INO80: variants seen among roughly 807,000 people sequenced by gnomAD.
The protein encoded by INO80 is chromatin-remodeling ATPase INO80.
In INO80, 20 loss-of-function variants were observed where a neutral mutation model predicts 203.4. That is an observed-to-expected ratio of 0.10 (90% CI 0.07 to 0.14). The LOEUF is 0.14. INO80 is among the 10% of genes least tolerant of loss of function. The pLI, the probability that INO80 is intolerant of heterozygous loss-of-function variation, is 1.00. For synonymous variants in INO80, 726 were observed against 685.2 expected (o/e 1.06, Z -0.93); for missense variants, 1,419 against 1,914.4 (o/e 0.74, Z 4.83).
chr15:40,993,266 TCTG>T (rs1264574145), intron 29 of INO80, among the ~76,000 whole-genome samples: 1 of 151,580 alleles, frequency 6.6e-6, no homozygotes, highest in Non-Finnish European at 1.5e-5. Context: ...TCTCTTTAAA[TCTG>T]CTTAGTTTTT....
chr15:41,055,154 G>C, intron 18 of INO80, 93 bp downstream of exon 18: 2 of 681,266 alleles, frequency 2.9e-6, no homozygotes, highest in Non-Finnish European at 2.5e-6. Context: ...TATGTATACT[G>C]GAAGAAAAAT....
rs558631790 is a variant in INO80, at chr15:41,044,017, C to A, written c.2907+887G>T. Among the ~76,000 whole-genome samples, 157 of 152,254 alleles carry A rather than the reference C, an allele frequency of 1.0e-3. 1 individual carries two copies. Among genetic ancestry groups the A allele is most frequent in the African/African-American group, 2.4e-3 (101 of 41,554 alleles). On this transcript the variant is annotated intron_variant, in intron 24 of 35. Coordinates refer to ENST00000648947, the MANE Select transcript of INO80 (RefSeq NM_017553.3). ...GAATGATTATTCATAAGGAGTCACA[C>A]AACAAAACAAAACAAAACAGACTGC...
chr15:40,993,909 T>G (rs549065670), intron 29 of INO80, among the ~76,000 whole-genome samples: 3 of 152,242 alleles, frequency 2.0e-5, no homozygotes, highest in Middle Eastern at 3.4e-3. Flanking sequence ...CTTGTAGCAT[T>G]TCATTTTTTT....
intron 20 of INO80, 47 bp downstream of exon 20, chr15:41,049,888 C>T: frequency 6.4e-7 from 1 of 1,551,570 alleles, no homozygotes; most frequent in Non-Finnish European, 8.8e-7. Flanking sequence ...AATTCTATCT[C>T]AAAAAACAAA....
At chr15:40,982,793 C>T (rs1893878829) in intron 35 of INO80, 69 bp downstream of exon 35, 9 of 1,311,300 alleles carry the variant, frequency 6.9e-6, no homozygotes, top group Non-Finnish European at 6.4e-6. Flanking sequence ...ACATGTTCTA[C>T]CTGACTGACA....
intron 26 of INO80, among the ~76,000 whole-genome samples, chr15:41,016,555 T>G (rs1458282243): frequency 6.6e-6 from 1 of 152,248 alleles, no homozygotes; most frequent in Non-Finnish European, 1.5e-5. Context: ...GTCAATCTGC[T>G]GTTAAGTGAC....
intron 25 of INO80, among the ~76,000 whole-genome samples, chr15:41,023,726 A>AAG (rs2044329774): frequency 8.0e-6 from 1 of 125,658 alleles, no homozygotes; most frequent in Non-Finnish European, 1.6e-5. Flanking sequence ...CTGAGATTGC[A>AAG]CCACTGCACT....
chr15:41,070,022 C>T (rs753851784), intron 13 of INO80, among the ~76,000 whole-genome samples: 8 of 152,044 alleles, frequency 5.3e-5, no homozygotes, highest in Non-Finnish European at 1.0e-4. Flanking sequence ...CAGTTTTACG[C>T]ATTTTTAAAA....
At chr15:41,059,190 G>A (rs908398927) in intron 15 of INO80, among the ~76,000 whole-genome samples, 1 of 151,400 alleles carries the variant, frequency 6.6e-6, no homozygotes, top group Admixed American at 6.6e-5. Flanking sequence ...TCGAACTCCT[G>A]GACTCAAGTG....
At chr15:41,109,317 G>T (rs1307052619) in intron 1 of INO80, 1 of 151,722 alleles carries the variant, frequency 6.6e-6, no homozygotes, top group African/African-American at 2.4e-5. Context: ...AGCCAGGCAT[G>T]GTGGCGGGCA....
In INO80 at chr15:40,990,195, G is replaced by A. The variant is rs575784378; in HGVS notation, c.3571-2221C>T. Among the ~76,000 whole-genome samples the A allele has an allele frequency of 2.6e-5, 4 of 152,180 alleles. No homozygotes were observed. In the South Asian group the frequency reaches 6.2e-4, roughly 24 times the overall value. ...TGAAATCACAGCAAGGGGCTGGGGT[G>A]GGGAGTGACCTAACAGTCTCCCTCC... is the stretch of plus-strand genomic sequence containing the variant. On this transcript the variant is annotated intron_variant, in intron 29 of 35. Coordinates refer to ENST00000648947, the MANE Select transcript of INO80 (RefSeq NM_017553.3).
chr15:41,015,976 C>T, intron 27 of INO80, 112 bp downstream of exon 27: 1 of 748,560 alleles, frequency 1.3e-6, no homozygotes, highest in Non-Finnish European at 2.1e-6. Context: ...AGAAAAAAGA[C>T]AAAAGGGAGT....
rs2045371670 is a variant in INO80 at position 41,074,449 on chromosome 15, C to T, written c.1248G>A (p.Arg416=). The T allele has an allele frequency of 6.2e-7, 1 of 1,614,022 alleles. No homozygotes were observed. Residue 416 remains arginine, a synonymous_variant, in exon 10 of 36, where the codon AGG becomes AGA. Coordinates refer to ENST00000648947, the MANE Select transcript of INO80 (RefSeq NM_017553.3). ...TCTGGGTAGAACTGTCTTCCAGTTTCCTTAGGATTTCTTCCTGGATACCAT... is the reference window on the plus strand; with the variant it reads ...TCTGGGTAGAACTGTCTTCCAGTTTTCTTAGGATTTCTTCCTGGATACCAT... The part of the protein sequence containing the change: ...GHDGIQEEIL[R]KLEDSSTQRQ...
chr15:41,115,150 C>T (rs2046012232), intron 1 of INO80, among the ~76,000 whole-genome samples: 1 of 152,166 alleles, frequency 6.6e-6, no homozygotes, highest in Non-Finnish European at 1.5e-5. Context: ...TTAGCCAGGT[C>T]AACCTCCAAA....
chr15:40,983,633 A>G (rs761995477), intron 34 of INO80, 129 bp downstream of exon 34: 69 of 805,788 alleles, frequency 8.6e-5, no homozygotes, highest in Non-Finnish European at 1.2e-4. Flanking sequence ...TCGTTTTCTC[A>G]TTTCACTTGA....
intron 1 of INO80, among the ~76,000 whole-genome samples, chr15:41,112,423 T>G (rs765004592): frequency 6.6e-6 from 1 of 152,188 alleles, no homozygotes; most frequent in Non-Finnish European, 1.5e-5. Flanking sequence ...TTAGTGCCTA[T>G]GCCCTTCTCA....
chr15:41,040,330 C>T (rs577866419), intron 24 of INO80, among the ~76,000 whole-genome samples: 8 of 152,186 alleles, frequency 5.3e-5, no homozygotes, highest in South Asian at 2.1e-4. Context: ...CAAGACTTAC[C>T]GTGAAGCTGT....
chr15:41,079,863 C>T lies in INO80; in HGVS notation c.969G>A (p.Leu323=). ...TTTCCTTACAGTTCTTCTGGGCCTG[C>T]AAGGCAGCTCGACGCACCTCCTTCA... ...QCMKEVRRAA[L]QAQKNCKETL... Residue 323 remains leucine, a synonymous_variant, in exon 9 of 36, where the codon TTG becomes TTA. Coordinates refer to ENST00000648947, the MANE Select transcript of INO80 (RefSeq NM_017553.3). 6.2e-7 allele frequency: 1 copy of T among 1,614,122 alleles called. No individual in the cohort carries two copies. Among genetic ancestry groups the T allele is most frequent in the Non-Finnish European group, 8.5e-7 (1 of 1,180,026 alleles).
chr15:41,109,430 G>A (rs565789526), intron 1 of INO80, among the ~76,000 whole-genome samples: 2 of 152,068 alleles, frequency 1.3e-5, no homozygotes, highest in East Asian at 1.9e-4. Flanking sequence ...CAGCCTGGGC[G>A]ACAGAGTAAG....
Sources: allele counts gnomAD v4.1 joint callset (sites outside exome capture counted in the v4.1 genomes callset), GRCh38; gene constraint gnomAD v4.1.1; transcripts MANE v1.5; gene names NCBI Gene and HGNC (gene_info 2026-07-23, HGNC 2026-07-21).